The following ABCC4 variants were observed in gnomAD, a reference collection of about 807,000 sequenced individuals.
ABCC4 encodes the protein ATP-binding cassette sub-family C member 4.
ABCC4 carries 102 observed loss-of-function variants against 168.5 expected under a neutral mutation model. That is an observed-to-expected ratio of 0.61 (90% CI 0.52 to 0.71). The LOEUF (loss-of-function observed/expected upper bound fraction) is 0.71, where lower values mean the gene tolerates loss of function less well. Among genes scored for constraint, ABCC4 ranks in the 30% least tolerant of loss-of-function variants. ABCC4 has a pLI of 0.00. For synonymous variants in ABCC4, 617 were observed against 590.7 expected (o/e 1.04, Z -0.65); for missense variants, 1,402 against 1,605.8 (o/e 0.87, Z 2.17).
At chr13:95,211,503 A>G (rs951726276) in intron 4 of ABCC4, among the ~76,000 whole-genome samples, 2 of 152,146 alleles carry the variant, frequency 1.3e-5, no homozygotes, top group African/African-American at 4.8e-5. Flanking sequence ...GCTAGGACAG[A>G]AGTACGGAGA....
At chr13:95,283,148 G>C (rs112495692) in intron 1 of ABCC4, among the ~76,000 whole-genome samples, 1 of 151,122 alleles carries the variant, frequency 6.6e-6, no homozygotes, top group East Asian at 2.0e-4. Flanking sequence ...CCTGGGAGGC[G>C]GAGGCTGCAG....
intron 20 of ABCC4, among the ~76,000 whole-genome samples, chr13:95,113,766 C>T (rs1463395867): frequency 3.9e-5 from 6 of 152,096 alleles, no homozygotes; most frequent in Admixed American, 2.0e-4. Flanking sequence ...GGGAGAAAGG[C>T]TCGGCACACA....
chr13:95,187,655 AAAT>A (rs1367117787), intron 10 of ABCC4, among the ~76,000 whole-genome samples: 1 of 152,234 alleles, frequency 6.6e-6, no homozygotes, highest in African/African-American at 2.4e-5. Flanking sequence ...AAATAAAAAT[AAAT>A]AATAAATCCT....
At chr13:95,096,324 C>T in intron 20 of ABCC4, 1 of 423,772 alleles carries the variant, frequency 2.4e-6, no homozygotes, top group Non-Finnish European at 4.2e-6. Flanking sequence ...GAATGCAACA[C>T]CCTAGATCTT....
intron 20 of ABCC4, among the ~76,000 whole-genome samples, chr13:95,112,181 T>C (rs1566428921): frequency 6.6e-6 from 1 of 152,016 alleles, no homozygotes; most frequent in Non-Finnish European, 1.5e-5. Flanking sequence ...GGCAAAACCC[T>C]GTCTCTACTA....
intron 19 of ABCC4, among the ~76,000 whole-genome samples, chr13:95,119,741 C>CA (rs1381204455): frequency 6.6e-6 from 1 of 152,036 alleles, no homozygotes; most frequent in Non-Finnish European, 1.5e-5. Flanking sequence ...TTTTTTGTAA[C>CA]AAAAAAGTAC....
At chr13:95,103,498 T>C (rs553963676) in intron 20 of ABCC4, among the ~76,000 whole-genome samples, 1 of 152,314 alleles carries the variant, frequency 6.6e-6, no homozygotes, top group South Asian at 2.1e-4. Context: ...ACAGTTGATC[T>C]AGTAAAGCAT....
At chr13:95,170,740 A>C in intron 13 of ABCC4, 112 bp from the exon 14 acceptor site, 1 of 618,806 alleles carries the variant, frequency 1.6e-6, no homozygotes. Context: ...AAAGATCTAG[A>C]GGTTAAATAC....
At chr13:95,156,500 T>C (rs1382715178) in intron 19 of ABCC4, among the ~76,000 whole-genome samples, 1 of 152,224 alleles carries the variant, frequency 6.6e-6, no homozygotes, top group South Asian at 2.1e-4. Context: ...TCTGAAGACT[T>C]ACTCTTGACC....
At chr13:95,029,155 T>G (rs2031685898) in intron 30 of ABCC4, among the ~76,000 whole-genome samples, 1 of 127,954 alleles carries the variant, frequency 7.8e-6, no homozygotes, top group African/African-American at 3.0e-5. Flanking sequence ...TGAAACTGCT[T>G]TAAAAAAAAT....
intron 19 of ABCC4, among the ~76,000 whole-genome samples, chr13:95,129,798 G>T (rs2035898201): frequency 6.6e-6 from 1 of 152,116 alleles, no homozygotes; most frequent in Non-Finnish European, 1.5e-5. Flanking sequence ...AAACAGGCCA[G>T]GCGCAGTGGC....
chr13:95,098,814 C>A (rs752512554), intron 20 of ABCC4, among the ~76,000 whole-genome samples: 1 of 152,050 alleles, frequency 6.6e-6, no homozygotes, highest in Non-Finnish European at 1.5e-5. Flanking sequence ...ATCATCAAGG[C>A]AATGCAAATG....
At chr13:95,264,466 C>A (rs940694811) in intron 1 of ABCC4, among the ~76,000 whole-genome samples, 5 of 152,184 alleles carry the variant, frequency 3.3e-5, no homozygotes, top group African/African-American at 1.2e-4. Context: ...AGAGTGATAA[C>A]AGTTACCATC....
chr13:95,215,686 A>G (rs1203936897), intron 4 of ABCC4, among the ~76,000 whole-genome samples: 1 of 152,226 alleles, frequency 6.6e-6, no homozygotes, highest in Admixed American at 6.5e-5. Flanking sequence ...ATCAACAATA[A>G]GACATCTCTA....
At chr13:95,224,981 A>T (rs4773852) in intron 4 of ABCC4, among the ~76,000 whole-genome samples, 43,346 of 152,028 alleles carry the variant, frequency 0.29, 6,479 homozygotes, top group East Asian at 0.44. Flanking sequence ...CCTTAAGCAC[A>T]AATGAATCCA....
chr13:95,267,632 A>G (rs1281108850), intron 1 of ABCC4, among the ~76,000 whole-genome samples: 1 of 152,212 alleles, frequency 6.6e-6, no homozygotes, highest in Non-Finnish European at 1.5e-5. Flanking sequence ...CATATAATAA[A>G]GAATTTGGCT....
intron 19 of ABCC4, among the ~76,000 whole-genome samples, chr13:95,136,251 C>A (rs943284529): frequency 1.1e-4 from 16 of 152,118 alleles, no homozygotes; most frequent in Admixed American, 2.6e-4. Context: ...CGGCTCACTG[C>A]AACCTCCGTC....
chr13:95,144,114 T>C (rs187174978), intron 19 of ABCC4, among the ~76,000 whole-genome samples: 3 of 152,350 alleles, frequency 2.0e-5, no homozygotes, highest in African/African-American at 7.2e-5. Flanking sequence ...ACACCTGTTA[T>C]TTGTGATGGA....
intron 3 of ABCC4, among the ~76,000 whole-genome samples, chr13:95,242,300 T>C (rs2039970193): frequency 6.6e-6 from 1 of 151,896 alleles, no homozygotes; most frequent in African/African-American, 2.4e-5. Context: ...TGATCTCAGC[T>C]CACTGCAACC....
Sources: gnomAD v4.1 joint callset for allele counts (sites outside exome capture counted in the v4.1 genomes callset) on GRCh38, gnomAD v4.1.1 for gene constraint, MANE v1.5 for transcripts, NCBI Gene and HGNC (gene_info 2026-07-23, HGNC 2026-07-21) for gene names.